Variants in SCGB2B2 observed in about 807,000 individuals in gnomAD.
SCGB2B2 encodes secretoglobin family 2B member 2.
Under a neutral mutation model 7.6 loss-of-function variants are expected in SCGB2B2, and 11 were observed. The ratio of observed to expected loss-of-function variants is 1.45; its 90% CI spans 0.91 to 2.40. The LOEUF (loss-of-function observed/expected upper bound fraction) is 2.40. Ranked by LOEUF, SCGB2B2 falls within the 30% of genes most tolerant of loss-of-function variation. The pLI, the probability that SCGB2B2 is intolerant of heterozygous loss-of-function variation, is 0.00. For synonymous variants in SCGB2B2, 50 were observed against 48.6 expected (o/e 1.03, Z -0.12); for missense variants, 104 against 115.4 (o/e 0.90, Z 0.45).
Position 34,607,520 on chromosome 19 carries a change from C to T in SCGB2B2, c.-2031-10926G>A, listed in dbSNP as rs562935404. Among the ~76,000 whole-genome samples, 3 of 152,206 alleles carry T rather than the reference C, an allele frequency of 2.0e-5. No individual in the cohort carries two copies. In the East Asian group the frequency reaches 5.8e-4, roughly 29 times the overall value. ...CTCTATTTTTAAGTTTTTGAGAAAC[C>T]TCCATTTTGTTTTTCATAAAGGCTG... On this transcript the variant is annotated intron_variant, in intron 1 of 3. Coordinates refer to ENST00000601241, the MANE Select transcript of SCGB2B2 (RefSeq NM_001025591.4).
At chr19:34,586,903 G>A (rs1474040154), downstream of SCGB2B2, among the ~76,000 whole-genome samples, 3 of 152,096 alleles carry the variant, frequency 2.0e-5, no homozygotes, top group Non-Finnish European at 4.4e-5. Context: ...TAGCTTTGTT[G>A]TTGTTGTTGT....
At chr19:34,664,156 G>A (rs1018853969) in intron 1 of SCGB2B2, among the ~76,000 whole-genome samples, 9 of 152,220 alleles carry the variant, frequency 5.9e-5, no homozygotes, top group Non-Finnish European at 1.2e-4. Context: ...CTCCCAGTGC[G>A]GGAGAAAAGC....
intron 1 of SCGB2B2, among the ~76,000 whole-genome samples, chr19:34,612,564 G>A (rs1411918421): frequency 6.6e-6 from 1 of 152,104 alleles, no homozygotes; most frequent in Non-Finnish European, 1.5e-5. Flanking sequence ...ACTCTGTTGT[G>A]CTATCAAATA....
rs116105078 is a variant in SCGB2B2, at chr19:34,669,781, C to G, written c.-2032+5849G>C. Among the ~76,000 whole-genome samples the G allele has an allele frequency of 4.7e-3, 705 of 149,194 alleles. 6 individuals are homozygous for G. The highest frequency in any genetic ancestry group is 0.017 in the African/African-American group (671 of 40,442). On this transcript the variant is annotated intron_variant, in intron 1 of 3. Coordinates refer to ENST00000601241, the MANE Select transcript of SCGB2B2 (RefSeq NM_001025591.4). Reference sequence around the variant, plus strand: ...GTGGGATTCTAATTTATGGCAGTGACTGAGTGACCACACAGAGAGGCCAAT... The same window carrying G: ...GTGGGATTCTAATTTATGGCAGTGAGTGAGTGACCACACAGAGAGGCCAAT...
chr19:34,637,382 T>A (rs982633995), intron 1 of SCGB2B2, among the ~76,000 whole-genome samples: 1 of 152,074 alleles, frequency 6.6e-6, no homozygotes, highest in Non-Finnish European at 1.5e-5. Context: ...GGGAGCAATG[T>A]CCACAGCCTG....
downstream of SCGB2B2, among the ~76,000 whole-genome samples, chr19:34,588,967 G>A (rs1304553574): frequency 6.6e-6 from 1 of 152,180 alleles, no homozygotes; most frequent in Non-Finnish European, 1.5e-5. Context: ...TACAGAGGGA[G>A]GGTGGAGGAT....
intron 1 of SCGB2B2, among the ~76,000 whole-genome samples, chr19:34,667,700 G>C (rs536663803): frequency 6.7e-6 from 1 of 149,532 alleles, no homozygotes; most frequent in South Asian, 2.3e-4. Context: ...TGCTTTGTTT[G>C]TGCGTTTTCC....
intron 1 of SCGB2B2, among the ~76,000 whole-genome samples, chr19:34,629,543 T>C (rs2066469817): frequency 6.6e-6 from 1 of 151,854 alleles, no homozygotes; most frequent in East Asian, 1.9e-4. Context: ...ATAAAATACC[T>C]AGGAATCCAA....
intron 1 of SCGB2B2, among the ~76,000 whole-genome samples, chr19:34,660,245 C>G (rs1022312715): frequency 2.6e-5 from 4 of 152,180 alleles, no homozygotes; most frequent in Non-Finnish European, 4.4e-5. Context: ...ATGACTGAAA[C>G]ACCAAAAGCA....
chr19:34,608,241 A>G (rs143194628), intron 1 of SCGB2B2, among the ~76,000 whole-genome samples: 1 of 151,702 alleles, frequency 6.6e-6, no homozygotes, highest in East Asian at 1.9e-4. Context: ...TTGCCTTCTT[A>G]TTTTCTTTTT....
In SCGB2B2 at chr19:34,627,174, T is replaced by G. The variant is rs1042700209; in HGVS notation, c.-2031-30580A>C. ...AAAACACGCCAAATTGTAAAGACCA[T>G]CAATGATAGGAAGAAACTGCATCAA... On this transcript the variant is annotated intron_variant, in intron 1 of 3. Coordinates refer to ENST00000601241, the MANE Select transcript of SCGB2B2 (RefSeq NM_001025591.4). Among the ~76,000 whole-genome samples the G allele has an allele frequency of 2.6e-5, 4 of 152,126 alleles. No homozygotes were observed. In the East Asian group the frequency reaches 5.8e-4, roughly 22 times the overall value.
downstream of SCGB2B2, among the ~76,000 whole-genome samples, chr19:34,585,943 G>A (rs937578853): frequency 5.9e-5 from 9 of 152,128 alleles, no homozygotes; most frequent in African/African-American, 2.2e-4. Flanking sequence ...TATTAAAGTT[G>A]TTATTTTGTT....
Position 34,676,008 on chromosome 19 carries a change from C to T in SCGB2B2, c.-2410G>A, listed in dbSNP as rs1600076680. On this transcript the variant is annotated 5_prime_UTR_variant, in exon 1 of 4. In the 5' UTR this introduces an upstream ATG that the reference lacks. Transcript: ENST00000601241. ...AAAGAGCAAAAGAACAAACATCCCA[C>T]ACCTGGGAAGTAGACCCCAGCGCGG... 1.3e-5 allele frequency: 2 copies of T among 152,342 alleles called. No homozygotes were observed. Among genetic ancestry groups the T allele is most frequent in the African/African-American group, 2.4e-5 (1 of 41,562 alleles). The allele number at this position is 152,342 out of a possible 1,614,324, so 9.4% of individuals were successfully genotyped here.
intron 1 of SCGB2B2, among the ~76,000 whole-genome samples, chr19:34,643,151 T>A (rs1234511676): frequency 6.6e-6 from 1 of 152,208 alleles, no homozygotes; most frequent in Non-Finnish European, 1.5e-5. Context: ...AAGATACTCA[T>A]TCAACCTAAG....
chr19:34,609,266 C>T (rs1474069015), intron 1 of SCGB2B2, among the ~76,000 whole-genome samples: 1 of 152,074 alleles, frequency 6.6e-6, no homozygotes, highest in Non-Finnish European at 1.5e-5. Flanking sequence ...CTTTCCCATT[C>T]TGCAAGTCAT....
At chr19:34,624,739 A>G (rs894776893) in intron 1 of SCGB2B2, among the ~76,000 whole-genome samples, 3 of 152,182 alleles carry the variant, frequency 2.0e-5, no homozygotes, top group South Asian at 2.1e-4. Context: ...CCAGCCCCAC[A>G]TGATGGCTAG....
chr19:34,655,642 C>T (rs111335247), intron 1 of SCGB2B2, among the ~76,000 whole-genome samples: 11,990 of 151,300 alleles, frequency 0.079, 722 homozygotes, highest in Non-Finnish European at 0.11. Flanking sequence ...ATGTCATGGG[C>T]AGATCCTTAG....
chr19:34,621,535 A>C (rs2066241431), intron 1 of SCGB2B2, among the ~76,000 whole-genome samples: 2 of 148,742 alleles, frequency 1.3e-5, no homozygotes, highest in South Asian at 4.4e-4. Context: ...AAGTGGAGAA[A>C]AGTAATTTAG....
intron 1 of SCGB2B2, among the ~76,000 whole-genome samples, chr19:34,609,171 G>C (rs2065864080): frequency 6.6e-6 from 1 of 151,846 alleles, no homozygotes; most frequent in Non-Finnish European, 1.5e-5. Context: ...CAGATTATTT[G>C]TGTGTTTTTT....
Sources: gnomAD v4.1 joint callset for allele counts (sites outside exome capture counted in the v4.1 genomes callset) on GRCh38, gnomAD v4.1.1 for gene constraint, MANE v1.5 for transcripts, NCBI Gene and HGNC (gene_info 2026-07-23, HGNC 2026-07-21) for gene names.